Variants in DNM2 observed in about 807,000 individuals in gnomAD.
DNM2 encodes dynamin-2.
A neutral mutation model predicts 99.0 loss-of-function variants in DNM2; 15 were observed. The observed-to-expected ratio is 0.15, with a 90% CI of 0.10 to 0.23. DNM2 has a LOEUF of 0.23. Among genes scored for constraint, DNM2 ranks in the 10% least tolerant of loss-of-function variants. DNM2 has a pLI of 1.00. For synonymous variants in DNM2, 525 were observed against 481.2 expected, an observed-to-expected ratio of 1.09 and a Z score of -1.19; for missense variants, 742 against 1,189.4, an observed-to-expected ratio of 0.62 and a Z score of 5.53.
chr19:10,719,307 C>T (rs1339609412), intron 1 of DNM2, among the ~76,000 whole-genome samples: 6 of 152,124 alleles, frequency 3.9e-5, no homozygotes, highest in Non-Finnish European at 7.4e-5. Flanking sequence ...GGAAGGAGGA[C>T]TCTGGGGGTA....
chr19:10,754,143 C>T (rs2070301881), intron 1 of DNM2, among the ~76,000 whole-genome samples: 1 of 152,086 alleles, frequency 6.6e-6, no homozygotes, highest in Non-Finnish European at 1.5e-5. Flanking sequence ...ATTCTGTGGG[C>T]AAATTTTAAT....
intron 1 of DNM2, among the ~76,000 whole-genome samples, chr19:10,719,586 C>G (rs2145645356): frequency 6.6e-6 from 1 of 152,288 alleles, no homozygotes; most frequent in African/African-American, 2.4e-5. Flanking sequence ...GCCACCTCTC[C>G]CTCCCACCAA....
intron 1 of DNM2, among the ~76,000 whole-genome samples, chr19:10,725,292 A>G (rs2069075639): frequency 6.6e-6 from 1 of 152,050 alleles, no homozygotes; most frequent in Admixed American, 6.6e-5. Flanking sequence ...CTAAAAATAC[A>G]AAAATTAGCC....
intron 2 of DNM2, among the ~76,000 whole-genome samples, chr19:10,760,042 T>G (rs893717822): frequency 6.6e-6 from 1 of 151,600 alleles, no homozygotes; most frequent in African/African-American, 2.4e-5. Context: ...CTTTCTTTTT[T>G]CTTTTTTTTG....
In DNM2 at chr19:10,777,972, C is replaced by T. The variant is rs139388891; in HGVS notation, c.688+756C>T. On this transcript the variant is annotated intron_variant, in intron 5 of 20. Transcript: ENST00000389253. ...TCCTCGTGGATGGCTTCCCCAGCTT[C>T]GGTGGTTATTATTATTATTTTCTTC... Among the ~76,000 whole-genome samples the T allele has an allele frequency of 3.4e-3, 519 of 150,876 alleles. 2 individuals are homozygous for T. Among genetic ancestry groups the T allele is most frequent in the African/African-American group, 0.012 (478 of 41,096 alleles).
At chr19:10,814,079 C>T (rs770029056) in intron 15 of DNM2, among the ~76,000 whole-genome samples, 35 of 151,688 alleles carry the variant, frequency 2.3e-4, no homozygotes, top group Non-Finnish European at 4.6e-4. Context: ...GGAGAATCAC[C>T]GGAACCTGGG....
intron 5 of DNM2, among the ~76,000 whole-genome samples, 176 bp downstream of exon 5, chr19:10,777,392 G>GT (rs1451095839): frequency 6.6e-6 from 1 of 151,970 alleles, no homozygotes; most frequent in African/African-American, 2.4e-5. Context: ...GTATGCATTC[G>GT]TTTTTCAAGT....
rs774973372 is a variant in DNM2 at position 10,812,314 on chromosome 19, C to T, written c.1608C>T (p.Gly536=). ...TCAACAACATCAGCCTGATGAAAGG[C>T]GGCTCCAAGGAGTACTGGTTTGTGC... ...LTINNISLMK[G]GSKEYWFVLT... Residue 536 remains glycine, a synonymous_variant, in exon 15 of 21, where the codon GGC becomes GGT. Transcript: ENST00000389253. The surrounding 1 kb of genome is among the most constrained non-coding windows in gnomAD (Gnocchi z 4.0). 3.3e-5 allele frequency: 53 copies of T among 1,610,540 alleles called. 1 individual carries two copies. The highest frequency in any genetic ancestry group is 6.6e-5 in the South Asian group (6 of 90,800).
chr19:10,811,625 A>G lies in DNM2; in HGVS notation c.1558-639A>G. On this transcript the variant is annotated intron_variant, in intron 14 of 20. Transcript: ENST00000389253. The surrounding 1 kb of genome is among the most constrained non-coding windows in gnomAD (Gnocchi z 5.4). ...CCACACATGCCTCCAGCGGCCAGGGAGCATGGGAGCACAGCCCCCAGGCTG... is the reference window on the plus strand; with the variant it reads ...CCACACATGCCTCCAGCGGCCAGGGGGCATGGGAGCACAGCCCCCAGGCTG... The G allele has an allele frequency of 2.1e-6, 1 of 469,356 alleles. No individual in the cohort carries two copies. Among genetic ancestry groups the G allele is most frequent in the Non-Finnish European group, 4.3e-6 (1 of 234,736 alleles). The allele number at this position is 469,356 out of a possible 1,614,324, so 29.1% of individuals were successfully genotyped here.
Position 10,795,574 on chromosome 19 carries a change from C to T in DNM2, c.1196+135C>T, listed in dbSNP as rs1056483861. The T allele has an allele frequency of 9.0e-6, 9 of 1,003,180 alleles. No individual in the cohort carries two copies. Among genetic ancestry groups the T allele is most frequent in the Admixed American group, 5.7e-5 (3 of 52,220 alleles). 62.1% of individuals were successfully genotyped at this position (1,003,180 alleles called of 1,614,324 possible). On this transcript the variant is annotated intron_variant, in intron 9 of 20. Coordinates refer to ENST00000389253, the MANE Select transcript of DNM2 (RefSeq NM_001005361.3). The surrounding 1 kb of genome is among the most constrained non-coding windows in gnomAD (Gnocchi z 4.2). ...GCTCTTGGATGGTTTTCTGTAGCTG[C>T]GAGCCCCTCCCTGAGGGTCTCCAAG...
intron 18 of DNM2, among the ~76,000 whole-genome samples, chr19:10,828,488 G>A (rs1298210275): frequency 6.6e-6 from 1 of 152,012 alleles, no homozygotes; most frequent in African/African-American, 2.4e-5. Context: ...TTGGGAGACT[G>A]AGGCAGGAGA....
intron 7 of DNM2, among the ~76,000 whole-genome samples, chr19:10,791,893 G>A (rs1489419081): frequency 1.3e-5 from 2 of 152,294 alleles, no homozygotes; most frequent in African/African-American, 4.8e-5. Flanking sequence ...TGAGAGACCA[G>A]CCTGGCCAAC....
intron 5 of DNM2, 43 bp from the exon 6 acceptor site, chr19:10,782,917 G>A (rs2071427600): frequency 6.2e-7 from 1 of 1,613,488 alleles, no homozygotes; most frequent in East Asian, 2.2e-5. Context: ...GGTCCACTTG[G>A]CTCACCTAGC....
intron 1 of DNM2, among the ~76,000 whole-genome samples, chr19:10,732,100 G>A (rs573898417): frequency 3.5e-4 from 53 of 151,386 alleles, no homozygotes; most frequent in African/African-American, 9.4e-4. Flanking sequence ...GATTACAGGC[G>A]TGCACCATCA....
At chr19:10,749,882 G>A (rs985745935) in intron 1 of DNM2, among the ~76,000 whole-genome samples, 5 of 152,198 alleles carry the variant, frequency 3.3e-5, no homozygotes, top group Non-Finnish European at 7.3e-5. Context: ...CCCATGGCCA[G>A]GTAGGCAGGG....
chr19:10,807,531 C>T (rs775542372), intron 13 of DNM2, among the ~76,000 whole-genome samples: 25 of 142,778 alleles, frequency 1.8e-4, no homozygotes, highest in Non-Finnish European at 3.3e-4. Flanking sequence ...TGAGCCATCA[C>T]GTCCAGCCTT....
At position 10,795,322 on chromosome 19, in the gene DNM2, G is replaced by A. The variant is rs751466971; in HGVS notation, c.1129-50G>A. On this transcript the variant is annotated intron_variant, in intron 8 of 20. Transcript: ENST00000389253. This position sits in a 1 kb window ranked among gnomAD's most constrained non-coding sequence, Gnocchi z 4.2. ...CGTTCCCCAGATGCACGCCTGCCAC[G>A]GGGGCGCCCCGGGTGCCTCCATGCA... The A allele has an allele frequency of 9.4e-6, 15 of 1,600,034 alleles. No homozygotes were observed. The highest frequency in any genetic ancestry group is 2.7e-5 in the African/African-American group (2 of 74,620).
chr19:10,788,448 C>T (rs2071641383), intron 7 of DNM2, among the ~76,000 whole-genome samples: 1 of 152,036 alleles, frequency 6.6e-6, no homozygotes, highest in South Asian at 2.1e-4. Context: ...TGTGGGGCCT[C>T]AGGGAGGACA....
chr19:10,742,936 CAG>C (rs979329361), intron 1 of DNM2, among the ~76,000 whole-genome samples: 13 of 138,660 alleles, frequency 9.4e-5, no homozygotes, highest in Non-Finnish European at 1.8e-4. Flanking sequence ...TTTTTTGAGA[CAG>C]AGTCTCCCTC....
Sources: allele counts gnomAD v4.1 joint callset (sites outside exome capture counted in the v4.1 genomes callset), GRCh38; gene constraint gnomAD v4.1.1; non-coding constraint Gnocchi (gnomAD v3.1); transcripts MANE v1.5; gene names NCBI Gene and HGNC (gene_info 2026-07-23, HGNC 2026-07-21).